Variants in PCDHGB4 observed in about 807,000 individuals in gnomAD.
PCDHGB4 encodes protocadherin gamma subfamily B, 4.
A neutral mutation model predicts 60.5 loss-of-function variants in PCDHGB4; 38 were observed. That is an observed-to-expected ratio of 0.63 (90% CI 0.48 to 0.82). The LOEUF (loss-of-function observed/expected upper bound fraction) is 0.82. Among genes scored for constraint, PCDHGB4 ranks in the 40% least tolerant of loss-of-function variants. The pLI, the probability that PCDHGB4 is intolerant of heterozygous loss-of-function variation, is 0.00. For synonymous variants in PCDHGB4, 456 were observed against 509.7 expected (o/e 0.89, Z 1.42); for missense variants, 1,109 against 1,209.6 (o/e 0.92, Z 1.23).
chr5:141,491,817 G>T lies in PCDHGB4; in HGVS notation c.2398-2990G>T. On this transcript the variant is annotated intron_variant, in intron 1 of 3. Transcript: ENST00000519479. The surrounding 1 kb of genome is among the most constrained non-coding windows in gnomAD (Gnocchi z 6.9). ...TCTCCGGCCGGCTTGGTCGCTGGCT[G>T]CGCTCCACCCGATTCTCGGGATCAT... 1.3e-6 allele frequency: 2 copies of T among 1,484,188 alleles called. No homozygotes were observed. The highest frequency in any genetic ancestry group is 1.8e-6 in the Non-Finnish European group (2 of 1,117,664). 91.9% of individuals were successfully genotyped at this position (1,484,188 alleles called of 1,614,324 possible).
chr5:141,388,204 A>T lies in PCDHGB4; in HGVS notation c.320A>T (p.Glu107Val), dbSNP rs746829885. ...AAGCCAGCTTGTGCTCTGGAATTTG[A>T]GGCTGTTGCTGAAAATCCACTGAAC... ...GKKPACALEF[E>V]AVAENPLNFY... The change falls in exon 1 of 4, where the codon GAG (glutamate) becomes GTG (valine). Residue 107 changes from glutamate to valine, a missense_variant. Physicochemically the swap from Glu to Val is moderately radical, Grantham distance 121. Coordinates refer to ENST00000519479, the MANE Select transcript of PCDHGB4 (RefSeq NM_003736.4). 9 of 1,575,744 alleles carry T rather than the reference A, an allele frequency of 5.7e-6. No homozygotes were observed. The Admixed American group carries it at 1.5e-4, about 27-fold the overall frequency.
chr5:141,396,274 C>G (rs2093362401), intron 1 of PCDHGB4: 2 of 152,252 alleles, frequency 1.3e-5, no homozygotes, highest in African/African-American at 2.4e-5. Flanking sequence ...GAGCTATGAT[C>G]ATGCCACTGC....
intron 1 of PCDHGB4, among the ~76,000 whole-genome samples, chr5:141,425,165 A>G (rs1391395593): frequency 6.6e-6 from 1 of 152,140 alleles, no homozygotes; most frequent in Non-Finnish European, 1.5e-5. Flanking sequence ...TAGGGATAGG[A>G]TTTATACTTG....
chr5:141,431,473 C>T lies in PCDHGB4; in HGVS notation c.2397+41192C>T, dbSNP rs750300971. ...TGATGGTTCTGGATGCGAACGACAA[C>T]GCACCAGCGTTTGCTCAGCCCGAGT... On this transcript the variant is annotated intron_variant, in intron 1 of 3. Coordinates refer to ENST00000519479, the MANE Select transcript of PCDHGB4 (RefSeq NM_003736.4). This position sits in a 1 kb window ranked among gnomAD's most constrained non-coding sequence, Gnocchi z 4.8. 4.3e-6 allele frequency: 7 copies of T among 1,613,832 alleles called. No individual in the cohort carries two copies. The Admixed American group carries it at 1.2e-4, about 27-fold the overall frequency.
chr5:141,478,221 C>A, intron 1 of PCDHGB4: 1 of 1,614,122 alleles, frequency 6.2e-7, no homozygotes, highest in Non-Finnish European at 8.5e-7. Context: ...ATCCTGGTTT[C>A]TGTGGGGTTT....
chr5:141,467,769 G>A (rs573567102), intron 1 of PCDHGB4, among the ~76,000 whole-genome samples: 9 of 151,590 alleles, frequency 5.9e-5, no homozygotes, highest in East Asian at 3.9e-4. Flanking sequence ...TCAAGTGCCC[G>A]CACCTCAGCC....
At chr5:141,403,724 G>A (rs373210176) in intron 1 of PCDHGB4, 2 of 1,613,924 alleles carry the variant, frequency 1.2e-6, no homozygotes, top group Non-Finnish European at 1.7e-6. Flanking sequence ...CGTGCCCCCA[G>A]GCACCTGGCT....
At chr5:141,423,836 GATA>G (rs752488755) in intron 1 of PCDHGB4, 23 of 1,275,246 alleles carry the variant, frequency 1.8e-5, no homozygotes, top group Non-Finnish European at 2.1e-5. Context: ...ATGAGATTAC[GATA>G]ATCTTTCAGA....
At chr5:141,400,268 C>T (rs976476082) in intron 1 of PCDHGB4, 3 of 1,613,962 alleles carry the variant, frequency 1.9e-6, no homozygotes, top group East Asian at 4.5e-5. Flanking sequence ...CTGCGACGCT[C>T]CTCCAGCCCT....
intron 1 of PCDHGB4, chr5:141,398,744 G>C (rs1561665852): frequency 1.2e-6 from 2 of 1,613,854 alleles, no homozygotes; most frequent in East Asian, 4.5e-5. Flanking sequence ...GAACAACAGA[G>C]TTACCATCGT....
At chr5:141,483,361 A>G (rs752805137) in intron 1 of PCDHGB4, among the ~76,000 whole-genome samples, 1 of 152,102 alleles carries the variant, frequency 6.6e-6, no homozygotes, top group South Asian at 2.1e-4. Context: ...TTTGAAAGCT[A>G]TTGCAATATT....
intron 1 of PCDHGB4, among the ~76,000 whole-genome samples, chr5:141,482,899 T>C (rs1238389686): frequency 1.3e-5 from 2 of 152,076 alleles, no homozygotes; most frequent in Non-Finnish European, 2.9e-5. Context: ...TGGTGAAACC[T>C]CATCTCTATT....
chr5:141,421,748 G>C, intron 1 of PCDHGB4: 1 of 1,613,944 alleles, frequency 6.2e-7, no homozygotes, highest in Non-Finnish European at 8.5e-7. Flanking sequence ...TACCAGCTCA[G>C]CCCTAATAAT....
rs373867677 is a variant in PCDHGB4 at position 141,432,049 on chromosome 5, G to A, written c.2397+41768G>A. The A allele has an allele frequency of 2.0e-5, 32 of 1,614,150 alleles. No individual in the cohort carries two copies. In the African/African-American group the frequency reaches 4.1e-4, roughly 21 times the overall value. ...TGACCGCCACTGACCGGGGAACCCC[G>A]CCCCTATCCACGGAAACTCATATCT... On this transcript the variant is annotated intron_variant, in intron 1 of 3. Coordinates refer to ENST00000519479, the MANE Select transcript of PCDHGB4 (RefSeq NM_003736.4). The surrounding 1 kb of genome is among the most constrained non-coding windows in gnomAD (Gnocchi z 6.0).
intron 1 of PCDHGB4, chr5:141,439,888 A>G (rs2098137228): frequency 6.6e-6 from 1 of 152,384 alleles, no homozygotes. Context: ...TCTGGGTAGA[A>G]CCAAGGCGAC....
chr5:141,433,742 C>T lies in PCDHGB4; in HGVS notation c.2397+43461C>T, dbSNP rs927651405. 2.6e-5 allele frequency among the ~76,000 whole-genome samples: 4 copies of T among 150,944 alleles called. No homozygotes were observed. The East Asian group carries it at 7.9e-4, about 30-fold the overall frequency. On this transcript the variant is annotated intron_variant, in intron 1 of 3. Coordinates refer to ENST00000519479, the MANE Select transcript of PCDHGB4 (RefSeq NM_003736.4). Reference sequence around the variant, plus strand: ...ATCCCAGCTACTTGGGAGGCTGAGTCAGGAGAATTGCTTTAACCTGGGAGG... The same window carrying T: ...ATCCCAGCTACTTGGGAGGCTGAGTTAGGAGAATTGCTTTAACCTGGGAGG...
Position 141,389,382 on chromosome 5 carries a change from T to C in PCDHGB4, c.1498T>C (p.Ser500Pro), listed in dbSNP as rs2091728828. The change falls in exon 1 of 4, where the codon TCA becomes CCA. Residue 500 changes from serine (S) to proline (P), a missense_variant. This residue lies in a region of PCDHGB4 where 1,068 missense variants were observed against 1,089.9 expected (regional missense o/e 0.98). Coordinates refer to ENST00000519479, the MANE Select transcript of PCDHGB4 (RefSeq NM_003736.4). ...CAGTGACCTGGAGCAGCGGGAGCTG[T>C]CATCCTACGTGTCCATAAGCGCGGA... ...MASDLEQREL[S>P]SYVSISAESG... is the part of the protein sequence containing the mutation. 6.2e-7 allele frequency: 1 copy of C among 1,613,704 alleles called. No individual in the cohort carries two copies. Among genetic ancestry groups the C allele is most frequent in the East Asian group, 2.2e-5 (1 of 44,880 alleles).
rs765243043 is a variant in PCDHGB4 at position 141,390,219 on chromosome 5, T to C, written c.2335T>C (p.Cys779Arg). Residue 779 changes from cysteine (C) to arginine (R), a missense_variant, in exon 1 of 4, where the codon TGC (cysteine) becomes CGC (arginine). Coordinates refer to ENST00000519479, the MANE Select transcript of PCDHGB4 (RefSeq NM_003736.4). ...EQLSSGQDIL[C>R]GDSSGALFPL... is the part of the protein sequence containing the mutation. ...GTTGAGTTCAGGACAAGACATACTT[T>C]GCGGTGATTCATCTGGGGCCTTATT... 3.1e-6 allele frequency: 5 copies of C among 1,614,066 alleles called. No individual in the cohort carries two copies. In the South Asian group the frequency reaches 5.5e-5, roughly 18 times the overall value.
chr5:141,485,466 T>C lies in PCDHGB4; in HGVS notation c.2398-9341T>C, dbSNP rs1485922901. ...ATCGACCGAGAGGCACTGTGTGGGC[T>C]CAGTGCCAGCTGCATCGTGCCCCTG... On this transcript the variant is annotated intron_variant, in intron 1 of 3. Transcript: ENST00000519479. The surrounding 1 kb of genome is among the most constrained non-coding windows in gnomAD (Gnocchi z 5.7). 6.2e-7 allele frequency: 1 copy of C among 1,613,868 alleles called. No individual in the cohort carries two copies. Among genetic ancestry groups the C allele is most frequent in the Non-Finnish European group, 8.5e-7 (1 of 1,179,924 alleles).
Sources: allele counts gnomAD v4.1 joint callset (sites outside exome capture counted in the v4.1 genomes callset), GRCh38; gene constraint gnomAD v4.1.1; regional missense constraint gnomAD v4.1.1; non-coding constraint Gnocchi (gnomAD v3.1); transcripts MANE v1.5; gene names NCBI Gene and HGNC (gene_info 2026-07-23, HGNC 2026-07-21).